The following SIGLEC12 variants were observed in gnomAD, a reference collection of about 807,000 sequenced individuals.
SIGLEC12 encodes sialic acid-binding Ig-like lectin 12.
A neutral mutation model predicts 54.1 loss-of-function variants in SIGLEC12; 43 were observed. That is an observed-to-expected ratio of 0.80 (90% CI 0.62 to 1.03). The LOEUF (loss-of-function observed/expected upper bound fraction) is 1.03, where lower values mean the gene tolerates loss of function less well. Among genes scored for constraint, SIGLEC12 ranks in the 50% least tolerant of loss-of-function variants. SIGLEC12 has a pLI of 0.00. For synonymous variants in SIGLEC12, 357 were observed against 307.6 expected (o/e 1.16, Z -1.68); for missense variants, 802 against 735.2 (o/e 1.09, Z -1.05).
chr19:51,495,234 T>G (rs1372133584), intron 7 of SIGLEC12, among the ~76,000 whole-genome samples: 1 of 136,260 alleles, frequency 7.3e-6, no homozygotes, highest in Non-Finnish European at 1.6e-5. Context: ...GATGGATGGA[T>G]GGATGGATGG....
rs1344699418 is a variant in SIGLEC12 at position 51,499,556 on chromosome 19, G to A, written c.969C>T (p.Arg323=). 1.1e-5 allele frequency: 17 copies of A among 1,611,624 alleles called. No individual in the cohort carries two copies. The highest frequency in any genetic ancestry group is 3.3e-4 in the Middle Eastern group (2 of 6,024). The change falls in exon 3 of 8, where the codon CGC becomes CGT. Residue 323 remains arginine (R), a synonymous_variant. Coordinates refer to ENST00000291707, the MANE Select transcript of SIGLEC12 (RefSeq NM_053003.4). ...SVSSLDPTIT[R]SSMLSLIPQP... ...GTGGGATGAGGCTGAGCATCGAGGA[G>A]CGAGTGATAGTGGGGTCCAGGGAGG...
At chr19:51,499,898 G>T (rs779088607) in intron 2 of SIGLEC12, 22 bp downstream of exon 2, 1 of 1,586,536 alleles carries the variant, frequency 6.3e-7, no homozygotes, top group Non-Finnish European at 8.6e-7. Flanking sequence ...CCCTCTGGCT[G>T]GTCCTAGAGC....
Position 51,500,613 on chromosome 19 carries a change from C to T in SIGLEC12, c.428-313G>A, listed in dbSNP as rs187013892. 2.5e-3 allele frequency among the ~76,000 whole-genome samples: 377 copies of T among 152,270 alleles called. 2 individuals carry two copies. The highest frequency in any genetic ancestry group is 3.5e-3 in the Non-Finnish European group (238 of 68,012). ...GGGAGGAGAAGAGACCGTGTCCCGCCTCCTACCTCCGGGCTTCCCTGAAGC... is the reference window on the plus strand; with the variant it reads ...GGGAGGAGAAGAGACCGTGTCCCGCTTCCTACCTCCGGGCTTCCCTGAAGC... On this transcript the variant is annotated intron_variant, in intron 1 of 7. Coordinates refer to ENST00000291707, the MANE Select transcript of SIGLEC12 (RefSeq NM_053003.4).
At chr19:51,500,849 C>T (rs1990374628) in intron 1 of SIGLEC12, among the ~76,000 whole-genome samples, 2 of 151,868 alleles carry the variant, frequency 1.3e-5, no homozygotes, top group Non-Finnish European at 2.9e-5. Flanking sequence ...CCTGGCCTGG[C>T]CTGAGAGAGT....
intron 1 of SIGLEC12, among the ~76,000 whole-genome samples, chr19:51,501,076 CAG>C (rs1199982159): frequency 6.6e-6 from 1 of 152,106 alleles, no homozygotes; most frequent in South Asian, 2.1e-4. Flanking sequence ...GTGCCAGCGT[CAG>C]AGGCAGGATG....
Position 51,498,248 on chromosome 19 carries a change from A to C in SIGLEC12, c.1175T>G (p.Leu392Arg). 2 of 1,613,202 alleles carry C rather than the reference A, an allele frequency of 1.2e-6. No individual in the cohort carries two copies. The highest frequency in any genetic ancestry group is 1.3e-5 in the African/African-American group (1 of 75,030). ...GACAAGGTGCAGGGACTGGCCCTCC[A>C]GGACTGAAAGGGCCGAGCCATTCCT... The part of the protein sequence containing the change: ...TLRNGSALSV[L>R]EGQSLHLVCA... The change falls in exon 5 of 8, where the codon CTG becomes CGG. Residue 392 changes from leucine to arginine, a missense_variant. Transcript: ENST00000291707.
At chr19:51,493,828 C>G (rs1187129567) in intron 7 of SIGLEC12, among the ~76,000 whole-genome samples, 1 of 152,214 alleles carries the variant, frequency 6.6e-6, no homozygotes, top group Non-Finnish European at 1.5e-5. Context: ...TCTGTCTTTC[C>G]TCTACCACAC....
At chr19:51,497,890 C>A in intron 5 of SIGLEC12, 128 bp downstream of exon 5, 1 of 1,350,384 alleles carries the variant, frequency 7.4e-7, no homozygotes, top group Non-Finnish European at 1.0e-6. Context: ...CCTCTCCCCA[C>A]CCCGCACTCA....
At chr19:51,497,991 T>C in intron 5 of SIGLEC12, 27 bp downstream of exon 5, 10 of 1,612,538 alleles carry the variant, frequency 6.2e-6, no homozygotes, top group Non-Finnish European at 8.5e-6. Flanking sequence ...ATGTGTGTTC[T>C]CCTCCTCCAG....
At position 51,501,611 on chromosome 19, in the gene SIGLEC12, A is replaced by G; in HGVS notation, c.123T>C (p.Ser41=). 2.5e-6 allele frequency: 4 copies of G among 1,614,124 alleles called. No individual in the cohort carries two copies. Among genetic ancestry groups the G allele is most frequent in the Non-Finnish European group, 3.4e-6 (4 of 1,179,974 alleles). The change falls in exon 1 of 8, where the codon TCT becomes TCC. Residue 41 remains serine (S), a synonymous_variant. Coordinates refer to ENST00000291707, the MANE Select transcript of SIGLEC12 (RefSeq NM_053003.4). ...SVTVQEGLCV[S]VLCSFSYPQN... ...GGGGGTAGGAGAAGGAGCAAAGCAC[A>G]GAGACACACAGGCCCTCCTGCACCG...
At chr19:51,491,880 C>T (rs1194127862) in intron 7 of SIGLEC12, 51 bp from the exon 8 acceptor site, 3 of 1,420,276 alleles carry the variant, frequency 2.1e-6, no homozygotes, top group Non-Finnish European at 2.8e-6. Flanking sequence ...GGCCAGCATG[C>T]ACCAGAGAGC....
intron 7 of SIGLEC12, among the ~76,000 whole-genome samples, chr19:51,496,307 A>G (rs1211550859): frequency 2.0e-5 from 3 of 152,116 alleles, no homozygotes; most frequent in Admixed American, 6.5e-5. Flanking sequence ...CGTCTCTACT[A>G]AAAATACAAA....
rs1328895771 is a variant in SIGLEC12 at position 51,495,358 on chromosome 19, C to CGGGTGGGT, written c.1599+1514_1599+1521dup. ...ATGGATGGATGGATGGATGGACAGA[C>CGGGTGGGT]GGGTGGGTGGATGGATGGATGGATG... On this transcript the variant is annotated intron_variant, in intron 7 of 7. Coordinates refer to ENST00000291707, the MANE Select transcript of SIGLEC12 (RefSeq NM_053003.4). Among the ~76,000 whole-genome samples the CGGGTGGGT allele has an allele frequency of 2.3e-3, 59 of 25,690 alleles. 1 individual carries two copies. The highest frequency in any genetic ancestry group is 4.1e-3 in the Admixed American group (7 of 1,698). 16.9% of individuals were successfully genotyped at this position (25,690 alleles called of 152,430 possible). A position where few individuals can be genotyped will look rare whatever the true frequency, so the allele number is the denominator to read the frequency against.
Position 51,501,358 on chromosome 19 carries a change from C to G in SIGLEC12, c.376G>C (p.Gly126Arg). ...AGTYVFCVERGNMKWNYKYDQ... is the reference protein window; with the variant it reads ...AGTYVFCVERRNMKWNYKYDQ... Reference sequence around the variant, plus strand: ...TATTTATAATTCCATTTCATATTTCCTCTCTCTACACAAAAGACGTATGTC... The same window carrying G: ...TATTTATAATTCCATTTCATATTTCGTCTCTCTACACAAAAGACGTATGTC... Residue 126 changes from glycine to arginine, a missense_variant, in exon 1 of 8, where the codon GGA becomes CGA. Gly to Arg is a moderately radical substitution (Grantham distance 125). Coordinates refer to ENST00000291707, the MANE Select transcript of SIGLEC12 (RefSeq NM_053003.4). The G allele has an allele frequency of 6.2e-7, 1 of 1,614,240 alleles. No homozygotes were observed.
Position 51,500,257 on chromosome 19 carries a change from C to T in SIGLEC12, c.471G>A (p.Glu157=). 1 of 1,614,210 alleles carries T rather than the reference C, an allele frequency of 6.2e-7. No homozygotes were observed. Among genetic ancestry groups the T allele is most frequent in the Non-Finnish European group, 8.5e-7 (1 of 1,180,032 alleles). ...ACAGACCCTCCTGCACAGTCACCGA[C>T]TCTGGCACCTCCAGCCTGTATCTTG... The part of the protein sequence containing the change: ...LLSRYRLEVP[E]SVTVQEGLCV... Residue 157 remains glutamate (E), a synonymous_variant, in exon 2 of 8, where the codon GAG becomes GAA. Transcript: ENST00000291707.
rs930361990 is a variant in SIGLEC12 at position 51,494,992 on chromosome 19, G to A, written c.1599+1888C>T. Among the ~76,000 whole-genome samples the A allele has an allele frequency of 4.6e-5, 7 of 152,124 alleles. No homozygotes were observed. The South Asian group carries it at 8.3e-4, about 18-fold the overall frequency. ...ATGAAGAGGATGGGAGGGAAAGGGC[G>A]GAGTTATTGTTCAACGAATGTGGAG... On this transcript the variant is annotated intron_variant, in intron 7 of 7. Transcript: ENST00000291707.
In SIGLEC12 at chr19:51,500,290, G is replaced by T; in HGVS notation, c.438C>A (p.Asp146Glu). The change falls in exon 2 of 8, where the codon GAC (aspartate) becomes GAA (glutamate). Residue 146 changes from aspartate to glutamate, a missense_variant. By Grantham distance (45) the Asp-to-Glu change is conservative (BLOSUM62 2). Transcript: ENST00000291707. Reference sequence around the variant, plus strand: ...CCTCCAGCCTGTATCTTGACAGTAGGTCCTGGGACGCTGTGGAGAAACGAG... The same window carrying T: ...CCTCCAGCCTGTATCTTGACAGTAGTTCCTGGGACGCTGTGGAGAAACGAG... ...QLSVNVTASQDLLSRYRLEVP... is the reference protein window; with the variant it reads ...QLSVNVTASQELLSRYRLEVP... 1 of 1,614,160 alleles carries T rather than the reference G, an allele frequency of 6.2e-7. No homozygotes were observed. Among genetic ancestry groups the T allele is most frequent in the Non-Finnish European group, 8.5e-7 (1 of 1,180,028 alleles).
At chr19:51,494,183 C>G (rs1165699380) in intron 7 of SIGLEC12, among the ~76,000 whole-genome samples, 1 of 152,072 alleles carries the variant, frequency 6.6e-6, no homozygotes, top group African/African-American at 2.4e-5. Context: ...AGTCATCCTA[C>G]AGAATGGTAG....
Position 51,501,480 on chromosome 19 carries a change from A to G in SIGLEC12, c.254T>C (p.Val85Ala), listed in dbSNP as rs1599958156. ...GAATCGGTCCCGAGTCTCCTCCTGCACTGCTCGAGCTGGGTTGTTTGTGGC... is the reference window on the plus strand; with the variant it reads ...GAATCGGTCCCGAGTCTCCTCCTGCGCTGCTCGAGCTGGGTTGTTTGTGGC... The part of the protein sequence containing the change: ...PVATNNPARA[V>A]QEETRDRFHL... The change falls in exon 1 of 8, where the codon GTG (valine) becomes GCG (alanine). Residue 85 changes from valine (V) to alanine (A), a missense_variant. Transcript: ENST00000291707. 2.5e-6 allele frequency: 4 copies of G among 1,613,870 alleles called. No individual in the cohort carries two copies. Among genetic ancestry groups the G allele is most frequent in the East Asian group, 4.5e-5 (2 of 44,878 alleles).
Sources: allele counts gnomAD v4.1 joint callset (sites outside exome capture counted in the v4.1 genomes callset), GRCh38; gene constraint gnomAD v4.1.1; transcripts MANE v1.5; gene names NCBI Gene and HGNC (gene_info 2026-07-23, HGNC 2026-07-21).